TMEM132B: variants seen among roughly 807,000 people sequenced by gnomAD.
TMEM132B encodes the protein transmembrane protein 132B.
A neutral mutation model predicts 90.8 loss-of-function variants in TMEM132B; 18 were observed. That is an observed-to-expected ratio of 0.20 (90% CI 0.14 to 0.29). The LOEUF (loss-of-function observed/expected upper bound fraction) is 0.29, where lower values mean the gene tolerates loss of function less well. Among genes scored for constraint, TMEM132B ranks in the 10% least tolerant of loss-of-function variants. The probability of loss-of-function intolerance (pLI) is 1.00; values close to 1 mark genes in which losing one functional copy is unlikely to be tolerated. For missense variants in TMEM132B, 1,096 were observed against 1,326.8 expected (o/e 0.83, Z 2.70); for synonymous variants, 504 against 523.3 (o/e 0.96, Z 0.50).
chr12:125,222,566 G>A (rs1873584857), intron 1 of TMEM132B, among the ~76,000 whole-genome samples: 1 of 152,088 alleles, frequency 6.6e-6, no homozygotes, highest in African/African-American at 2.4e-5. Context: ...TATTTGCCTG[G>A]GAATTAAATG....
Position 125,498,752 on chromosome 12 carries a change from A to G in TMEM132B, c.1107-20687A>G, listed in dbSNP as rs1882620950. ...CTAGAGTCCCATGGGGCTTGTTCTA[A>G]TGTCCTTACAGAGGATACTGGTTAA... On this transcript the variant is annotated intron_variant, in intron 3 of 8. Transcript: ENST00000682704. The surrounding 1 kb of genome is among the most constrained non-coding windows in gnomAD (Gnocchi z 4.5). 6.6e-6 allele frequency among the ~76,000 whole-genome samples: 1 copy of G among 152,196 alleles called. No individual in the cohort carries two copies. Among genetic ancestry groups the G allele is most frequent in the Non-Finnish European group, 1.5e-5 (1 of 68,040 alleles).
intron 1 of TMEM132B, among the ~76,000 whole-genome samples, chr12:125,319,051 G>A (rs1259584525): frequency 6.6e-6 from 1 of 152,198 alleles, no homozygotes; most frequent in Admixed American, 6.5e-5. Context: ...TGGCCCAGTG[G>A]TAAGAGCATC....
chr12:125,583,334 TG>T, intron 4 of TMEM132B, among the ~76,000 whole-genome samples: 1 of 151,670 alleles, frequency 6.6e-6, no homozygotes, highest in East Asian at 1.9e-4. Flanking sequence ...GTCGGGGAGG[TG>T]GGGTGTGGCA....
At chr12:125,435,421 C>T (rs2136414970) in intron 3 of TMEM132B, among the ~76,000 whole-genome samples, 1 of 152,090 alleles carries the variant, frequency 6.6e-6, no homozygotes, top group African/African-American at 2.4e-5. Context: ...GCTGGGACGG[C>T]CCCCAAGTTT....
chr12:125,273,494 A>G (rs1355652622), intron 1 of TMEM132B, among the ~76,000 whole-genome samples: 2 of 152,138 alleles, frequency 1.3e-5, no homozygotes, highest in Non-Finnish European at 2.9e-5. Flanking sequence ...GGCTGAGGTG[A>G]GAGGATCTCT....
At chr12:125,495,472 A>G (rs2136579668) in intron 3 of TMEM132B, among the ~76,000 whole-genome samples, 1 of 151,972 alleles carries the variant, frequency 6.6e-6, no homozygotes, top group South Asian at 2.1e-4. Flanking sequence ...GACCCTTCCA[A>G]CTCAGGGTGA....
chr12:125,478,888 GC>G (rs1881962691), intron 3 of TMEM132B, among the ~76,000 whole-genome samples: 1 of 152,222 alleles, frequency 6.6e-6, no homozygotes, highest in Non-Finnish European at 1.5e-5. Context: ...ATAAAGGGAA[GC>G]CCATCAGACT....
intron 3 of TMEM132B, among the ~76,000 whole-genome samples, chr12:125,435,020 G>A (rs1327481438): frequency 6.6e-6 from 1 of 152,136 alleles, no homozygotes; most frequent in African/African-American, 2.4e-5. Context: ...CCCCTTTGTG[G>A]GGGCTCAGGT....
intron 1 of TMEM132B, among the ~76,000 whole-genome samples, chr12:125,321,316 A>G (rs1876419826): frequency 6.6e-6 from 1 of 152,176 alleles, no homozygotes; most frequent in Admixed American, 6.5e-5. Flanking sequence ...TCATTAGGAA[A>G]AGTCAAATTA....
chr12:125,459,239 G>A lies in TMEM132B; in HGVS notation c.1106+43562G>A, dbSNP rs976182749. Among the ~76,000 whole-genome samples the A allele has an allele frequency of 1.1e-4, 17 of 152,148 alleles. No homozygotes were observed. The highest frequency in any genetic ancestry group is 3.3e-4 in the Admixed American group (5 of 15,272). ...TTCAAATAGTGGGACCCTCTTCTACGTGTGGGGAACCGCCAGCATGTCCTT... is the reference window on the plus strand; with the variant it reads ...TTCAAATAGTGGGACCCTCTTCTACATGTGGGGAACCGCCAGCATGTCCTT... On this transcript the variant is annotated intron_variant, in intron 3 of 8. Coordinates refer to ENST00000682704, the MANE Select transcript of TMEM132B (RefSeq NM_001366854.1). The surrounding 1 kb of genome is among the most constrained non-coding windows in gnomAD (Gnocchi z 4.1).
rs1276998521 is a variant in TMEM132B at position 125,654,701 on chromosome 12, C to G, written c.3243C>G (p.Asp1081Glu). 6.2e-7 allele frequency: 1 copy of G among 1,611,854 alleles called. No individual in the cohort carries two copies. Among genetic ancestry groups the G allele is most frequent in the Admixed American group, 1.7e-5 (1 of 59,754 alleles). The change falls in exon 9 of 9, where the codon GAC (aspartate) becomes GAG (glutamate). Residue 1081 changes from aspartate (D) to glutamate (E), a missense_variant. Coordinates refer to ENST00000682704, the MANE Select transcript of TMEM132B (RefSeq NM_001366854.1). The surrounding 1 kb of genome is among the most constrained non-coding windows in gnomAD (Gnocchi z 5.8). ...DFRDYMESLQDQM is the reference protein window; with the variant it reads ...DFRDYMESLQEQM Reference sequence around the variant, plus strand: ...GAGACTATATGGAAAGTCTGCAAGACCAGATGTAAACTCCTTTCTTATGTT... The same window carrying G: ...GAGACTATATGGAAAGTCTGCAAGAGCAGATGTAAACTCCTTTCTTATGTT...
In TMEM132B at chr12:125,460,589, C is replaced by T. The variant is rs115803148; in HGVS notation, c.1106+44912C>T. On this transcript the variant is annotated intron_variant, in intron 3 of 8. Coordinates refer to ENST00000682704, the MANE Select transcript of TMEM132B (RefSeq NM_001366854.1). The surrounding 1 kb of genome is among the most constrained non-coding windows in gnomAD (Gnocchi z 4.4). ...AAATCATCTCTCCTTCAGTCCAACG[C>T]ATTTCACTCTTCAACAGTACTGCTC... 0.016 allele frequency among the ~76,000 whole-genome samples: 2,447 copies of T among 152,328 alleles called. 77 individuals carry two copies. The highest frequency in any genetic ancestry group is 0.056 in the African/African-American group (2,338 of 41,572).
chr12:125,375,620 G>T (rs1378925489), intron 2 of TMEM132B, among the ~76,000 whole-genome samples: 1 of 152,166 alleles, frequency 6.6e-6, no homozygotes, highest in Non-Finnish European at 1.5e-5. Context: ...CTTATTCTGT[G>T]GCTGGTGGCT....
At chr12:125,319,948 T>C (rs428288) in intron 1 of TMEM132B, among the ~76,000 whole-genome samples, 111,983 of 152,072 alleles carry the variant, frequency 0.74, 42,257 homozygotes, top group African/African-American at 0.89. Flanking sequence ...CCTGGGAGGT[T>C]GAGGGCTGCA....
At chr12:125,401,889 A>G (rs1879331408) in intron 2 of TMEM132B, among the ~76,000 whole-genome samples, 2 of 152,186 alleles carry the variant, frequency 1.3e-5, no homozygotes, top group African/African-American at 2.4e-5. Context: ...TTTATCTTGT[A>G]GTAAACAAAA....
chr12:125,215,983 C>A (rs1873429121), intron 1 of TMEM132B, among the ~76,000 whole-genome samples: 1 of 152,238 alleles, frequency 6.6e-6, no homozygotes, highest in Non-Finnish European at 1.5e-5. Flanking sequence ...TCTTTGGGCA[C>A]CATTATTCTG....
chr12:125,601,761 TA>T (rs1158894773), intron 5 of TMEM132B, among the ~76,000 whole-genome samples: 1 of 151,100 alleles, frequency 6.6e-6, no homozygotes, highest in African/African-American at 2.4e-5. Context: ...ATAGACACAA[TA>T]AAAAATGATA....
chr12:125,402,362 G>A (rs531887264), intron 2 of TMEM132B, among the ~76,000 whole-genome samples: 2 of 152,234 alleles, frequency 1.3e-5, no homozygotes, highest in East Asian at 3.9e-4. Context: ...GCTAATTTTT[G>A]TATTTTTAGT....
At chr12:125,384,860 T>C (rs561390737) in intron 2 of TMEM132B, among the ~76,000 whole-genome samples, 16 of 152,284 alleles carry the variant, frequency 1.1e-4, no homozygotes, top group African/African-American at 3.8e-4. Flanking sequence ...CCATGTTGGC[T>C]AGGCTGGTCT....
Sources: gnomAD v4.1 joint callset for allele counts (sites outside exome capture counted in the v4.1 genomes callset) on GRCh38, gnomAD v4.1.1 for gene constraint, Gnocchi (gnomAD v3.1) non-coding constraint, MANE v1.5 for transcripts, NCBI Gene and HGNC (gene_info 2026-07-23, HGNC 2026-07-21) for gene names.